INPP4B: variants seen among roughly 807,000 people sequenced by gnomAD.
INPP4B encodes the protein inositol polyphosphate-4-phosphatase type II B, also known as inositol polyphosphate 4-phosphatase type II.
INPP4B carries 55 observed loss-of-function variants against 122.5 expected under a neutral mutation model. The ratio of observed to expected loss-of-function variants is 0.45; its 90% CI spans 0.36 to 0.56. The LOEUF (loss-of-function observed/expected upper bound fraction) is 0.56. INPP4B is among the 20% of genes least tolerant of loss of function. INPP4B has a pLI of 0.00. For missense variants in INPP4B, 1,000 were observed against 1,097.7 expected, an observed-to-expected ratio of 0.91 and a Z score of 1.26; for synonymous variants, 403 against 388.7, an observed-to-expected ratio of 1.04 and a Z score of -0.43.
chr4:142,288,490 A>G (rs1302082236), intron 9 of INPP4B, among the ~76,000 whole-genome samples: 2 of 152,200 alleles, frequency 1.3e-5, no homozygotes, highest in Non-Finnish European at 2.9e-5. Context: ...AGGCTGAGGC[A>G]GGAGAATGGT....
intron 23 of INPP4B, among the ~76,000 whole-genome samples, chr4:142,092,431 C>A (rs1320841125): frequency 6.6e-6 from 1 of 152,258 alleles, no homozygotes; most frequent in African/African-American, 2.4e-5. Context: ...GCTGGGATTA[C>A]AGGCACCCGC....
intron 14 of INPP4B, among the ~76,000 whole-genome samples, chr4:142,199,501 T>C (rs1053506601): frequency 6.6e-6 from 1 of 152,090 alleles, no homozygotes; most frequent in Non-Finnish European, 1.5e-5. Context: ...ACTTTTAATA[T>C]GCTGTCTAAA....
chr4:142,489,390 TTTTG>T (rs1181673785), intron 2 of INPP4B, among the ~76,000 whole-genome samples: 8 of 152,106 alleles, frequency 5.3e-5, no homozygotes, highest in African/African-American at 1.7e-4. Context: ...AGATGGTGTT[TTTTG>T]TTTGTTTTTG....
At chr4:142,450,442 C>A (rs1026979527) in intron 3 of INPP4B, among the ~76,000 whole-genome samples, 3 of 152,132 alleles carry the variant, frequency 2.0e-5, no homozygotes, top group African/African-American at 7.2e-5. Flanking sequence ...GGAGGGAGAC[C>A]AGAGATAGAA....
rs565854340 is a variant in INPP4B at position 142,824,200 on chromosome 4, T to A, written c.-254+22009A>T. On this transcript the variant is annotated intron_variant, in intron 1 of 25. Transcript: ENST00000262992. The stretch of plus-strand genomic sequence containing the variant: ...CTTTCCTAGATCACCAGCTTGCAGA[T>A]GGCAGATTGTGGAACTTCTTGGCCT... Among the ~76,000 whole-genome samples the A allele has an allele frequency of 3.9e-5, 6 of 152,240 alleles. No individual in the cohort carries two copies. In the South Asian group the frequency reaches 1.2e-3, roughly 32 times the overall value.
At chr4:142,556,430 A>T (rs1429974466) in intron 2 of INPP4B, among the ~76,000 whole-genome samples, 1 of 152,214 alleles carries the variant, frequency 6.6e-6, no homozygotes, top group Non-Finnish European at 1.5e-5. Context: ...ATGGGTTAGA[A>T]TTATGGTAAT....
intron 2 of INPP4B, among the ~76,000 whole-genome samples, chr4:142,515,308 C>G (rs150019025): frequency 5.0e-4 from 76 of 152,288 alleles, no homozygotes; most frequent in African/African-American, 1.6e-3. Flanking sequence ...CTGAAACCCA[C>G]TAACTCTTGG....
At chr4:142,524,861 C>CAACA (rs1826656058) in intron 2 of INPP4B, among the ~76,000 whole-genome samples, 1 of 151,808 alleles carries the variant, frequency 6.6e-6, no homozygotes, top group Non-Finnish European at 1.5e-5. Context: ...CACTCCTATT[C>CAACA]AACATAGTGT....
At chr4:142,577,356 G>A (rs1015942582) in intron 2 of INPP4B, among the ~76,000 whole-genome samples, 4 of 151,956 alleles carry the variant, frequency 2.6e-5, no homozygotes. Context: ...GAGATACTCA[G>A]TAAGATACCA....
chr4:142,198,365 A>G (rs964432726), intron 14 of INPP4B, among the ~76,000 whole-genome samples: 1 of 152,030 alleles, frequency 6.6e-6, no homozygotes, highest in Admixed American at 6.5e-5. Flanking sequence ...AACTAGGTAC[A>G]TACTTAAATT....
chr4:142,446,322 A>G (rs1025002238), intron 3 of INPP4B, among the ~76,000 whole-genome samples: 2 of 151,978 alleles, frequency 1.3e-5, no homozygotes, highest in African/African-American at 4.8e-5. Flanking sequence ...CTTCACTAGT[A>G]TCAGGGAAAT....
chr4:142,507,648 GATC>G (rs1824192160), intron 2 of INPP4B, among the ~76,000 whole-genome samples: 1 of 152,030 alleles, frequency 6.6e-6, no homozygotes, highest in Non-Finnish European at 1.5e-5. Flanking sequence ...GGAAATGCAT[GATC>G]ATCATTTGCT....
rs36074851 is a variant in INPP4B at position 142,335,108 on chromosome 4, G to GAA, written c.373-20348_373-20347dup. ...CTGTCTGCTACTTCCTGGGAAAAAT[G>GAA]AAAAAAAAAAAAAAAAAAAAAAAAG... On this transcript the variant is annotated intron_variant, in intron 7 of 25. Transcript: ENST00000262992. Among the ~76,000 whole-genome samples, 257 of 65,128 alleles carry GAA rather than the reference G, an allele frequency of 3.9e-3. 9 individuals carry two copies. The highest frequency in any genetic ancestry group is 0.013 in the African/African-American group (193 of 14,860). 42.7% of individuals were successfully genotyped at this position (65,128 alleles called of 152,430 possible).
intron 2 of INPP4B, among the ~76,000 whole-genome samples, chr4:142,507,227 C>T (rs1165174871): frequency 6.6e-6 from 1 of 152,094 alleles, no homozygotes; most frequent in Non-Finnish European, 1.5e-5. Context: ...GGCATGGTGT[C>T]TTATTTGTGT....
At chr4:142,207,941 T>C (rs1223598736) in intron 14 of INPP4B, among the ~76,000 whole-genome samples, 1 of 152,112 alleles carries the variant, frequency 6.6e-6, no homozygotes, top group Non-Finnish European at 1.5e-5. Flanking sequence ...ACTGAGTACA[T>C]TTAAATACTC....
chr4:142,400,875 A>C lies in INPP4B; in HGVS notation c.372+2063T>G, dbSNP rs568054300. Among the ~76,000 whole-genome samples the C allele has an allele frequency of 2.6e-5, 4 of 152,336 alleles. No individual in the cohort carries two copies. The South Asian group carries it at 6.2e-4, about 24-fold the overall frequency. On this transcript the variant is annotated intron_variant, in intron 7 of 25. Coordinates refer to ENST00000262992, the MANE Select transcript of INPP4B (RefSeq NM_001101669.3). ...GTCTATCTCCAAAGCATTAACATTC[A>C]TGCACATTTTAAATGAAGGAGATTG...
chr4:142,604,375 A>C (rs2150311570), intron 2 of INPP4B, among the ~76,000 whole-genome samples: 1 of 152,262 alleles, frequency 6.6e-6, no homozygotes, highest in Admixed American at 6.5e-5. Context: ...AAGTTCTAGC[A>C]GAGCAATCAG....
intron 23 of INPP4B, among the ~76,000 whole-genome samples, chr4:142,090,905 C>G (rs1367301681): frequency 6.6e-6 from 1 of 151,850 alleles, no homozygotes; most frequent in Non-Finnish European, 1.5e-5. Flanking sequence ...ATGGATATAT[C>G]ACAAAAACAA....
At chr4:142,537,427 T>TAG (rs1491326417) in intron 2 of INPP4B, among the ~76,000 whole-genome samples, 37 of 33,862 alleles carry the variant, frequency 1.1e-3, no homozygotes, top group African/African-American at 2.9e-3. Flanking sequence ...TATATATATA[T>TAG]ATAGAGAGAG....
Sources: gnomAD v4.1 joint callset for allele counts (sites outside exome capture counted in the v4.1 genomes callset) on GRCh38, gnomAD v4.1.1 for gene constraint, MANE v1.5 for transcripts, NCBI Gene and HGNC (gene_info 2026-07-23, HGNC 2026-07-21) for gene names.